RAD54L2: variants seen among roughly 807,000 people sequenced by gnomAD.
RAD54L2 encodes the protein helicase ARIP4.
A neutral mutation model predicts 138.4 loss-of-function variants in RAD54L2; 27 were observed. That is an observed-to-expected ratio of 0.20 (90% CI 0.14 to 0.27). The LOEUF (loss-of-function observed/expected upper bound fraction) is 0.27, where lower values mean the gene tolerates loss of function less well. Among genes scored for constraint, RAD54L2 ranks in the 10% least tolerant of loss-of-function variants. RAD54L2 has a pLI of 1.00. For synonymous variants in RAD54L2, 644 were observed against 723.2 expected, an observed-to-expected ratio of 0.89 and a Z score of 1.76; for missense variants, 1,396 against 1,890.2, an observed-to-expected ratio of 0.74 and a Z score of 4.85.
chr3:51,663,448 G>A lies in RAD54L2; in HGVS notation c.*28G>A, dbSNP rs757373118. ...AGGGAGCCCCTCCCCACCTCACTTG[G>A]GGCCCCCAGCAGGTTGCCCACCAAG... On this transcript the variant is annotated 3_prime_UTR_variant, in exon 23 of 23. Coordinates refer to ENST00000684192, the MANE Select transcript of RAD54L2 (RefSeq NM_015106.4). 9 of 1,596,304 alleles carry A rather than the reference G, an allele frequency of 5.6e-6. No individual in the cohort carries two copies. The highest frequency in any genetic ancestry group is 7.7e-6 in the Non-Finnish European group (9 of 1,169,068).
rs1577478615 is a variant in RAD54L2 at position 51,666,032 on chromosome 3, G to C, written c.*2612G>C. On this transcript the variant is annotated 3_prime_UTR_variant, in exon 23 of 23. Transcript: ENST00000684192. ...TCCAGTGTTCCAGGGACTGGGTCTT[G>C]CTTCTACTCAGCAGAGGCCATCATT... 1 of 152,096 alleles carries C rather than the reference G, an allele frequency of 6.6e-6. No individual in the cohort carries two copies. 9.4% of individuals were successfully genotyped at this position (152,096 alleles called of 1,614,324 possible).
At chr3:51,657,852 T>C (rs1701645080) in intron 21 of RAD54L2, among the ~76,000 whole-genome samples, 183 bp downstream of exon 21, 1 of 150,960 alleles carries the variant, frequency 6.6e-6, no homozygotes, top group African/African-American at 2.4e-5. Flanking sequence ...GTTGAGCCCA[T>C]AGGGTATTAG....
intron 2 of RAD54L2, among the ~76,000 whole-genome samples, chr3:51,568,315 T>C (rs1254065509): frequency 6.6e-6 from 1 of 152,184 alleles, no homozygotes; most frequent in African/African-American, 2.4e-5. Flanking sequence ...TTTTCTGTCA[T>C]TCACTCCTCT....
At chr3:51,576,813 AT>A (rs958421043) in intron 2 of RAD54L2, among the ~76,000 whole-genome samples, 1 of 150,986 alleles carries the variant, frequency 6.6e-6, no homozygotes, top group African/African-American at 2.4e-5. Context: ...GGATTCACTG[AT>A]TTTTTTTTGA....
At chr3:51,543,031 C>G (rs1398031340) in intron 2 of RAD54L2, among the ~76,000 whole-genome samples, 1 of 152,096 alleles carries the variant, frequency 6.6e-6, no homozygotes, top group Non-Finnish European at 1.5e-5. Flanking sequence ...GTGTTTTTGC[C>G]AGGAATTCTC....
chr3:51,579,152 G>A (rs1383191689), intron 2 of RAD54L2, among the ~76,000 whole-genome samples: 1 of 150,858 alleles, frequency 6.6e-6, no homozygotes, highest in Non-Finnish European at 1.5e-5. Flanking sequence ...TCTGCAGGCT[G>A]AGCCTGGGCT....
Position 51,662,805 on chromosome 3 carries a change from T to G in RAD54L2, c.3789T>G (p.Ala1263=). The G allele has an allele frequency of 6.2e-7, 1 of 1,611,182 alleles. No individual in the cohort carries two copies. The highest frequency in any genetic ancestry group is 8.5e-7 in the Non-Finnish European group (1 of 1,178,720). The part of the protein sequence containing the change: ...GHKRKLATPP[A]AQESSRRRSR... ...AGCGAAAGTTGGCCACACCACCTGC[T>G]GCCCAGGAGTCATCCCGCCGGCGGT... The change falls in exon 23 of 23, where the codon GCT becomes GCG. Residue 1263 remains alanine, a synonymous_variant. Transcript: ENST00000684192. This position sits in a 1 kb window ranked among gnomAD's most constrained non-coding sequence, Gnocchi z 4.6.
intron 3 of RAD54L2, among the ~76,000 whole-genome samples, chr3:51,592,547 C>A (rs981556093): frequency 1.2e-4 from 18 of 151,734 alleles, no homozygotes; most frequent in Non-Finnish European, 2.4e-4. Flanking sequence ...AAAAGTAATA[C>A]TTCTGTTACT....
In RAD54L2 at chr3:51,645,777, A is replaced by G. The variant is rs972626860; in HGVS notation, c.2829+14A>G. On this transcript the variant is annotated intron_variant, in intron 18 of 22. Coordinates refer to ENST00000684192, the MANE Select transcript of RAD54L2 (RefSeq NM_015106.4). This position sits in a 1 kb window ranked among gnomAD's most constrained non-coding sequence, Gnocchi z 6.1. ...CTCATCACCAAGGTAAGAACTTGGT[A>G]TGCATGCAATCCCCAGAGTGGCAGT... 3 of 1,598,880 alleles carry G rather than the reference A, an allele frequency of 1.9e-6. No individual in the cohort carries two copies. The highest frequency in any genetic ancestry group is 1.1e-5 in the South Asian group (1 of 88,288).
intron 5 of RAD54L2, 106 bp downstream of exon 5, chr3:51,629,579 C>T (rs1163846943): frequency 1.4e-6 from 2 of 1,409,790 alleles, no homozygotes; most frequent in Non-Finnish European, 1.9e-6. Context: ...GGCCTCTCGG[C>T]TGGGCGCGGT....
chr3:51,608,980 T>TC (rs1452476264), intron 3 of RAD54L2, among the ~76,000 whole-genome samples: 2 of 152,072 alleles, frequency 1.3e-5, no homozygotes, highest in Non-Finnish European at 2.9e-5. Flanking sequence ...AACCTCCCCC[T>TC]CCCAGGTTCA....
At chr3:51,581,801 A>G (rs942981158) in intron 2 of RAD54L2, among the ~76,000 whole-genome samples, 1 of 152,178 alleles carries the variant, frequency 6.6e-6, no homozygotes, top group Non-Finnish European at 1.5e-5. Flanking sequence ...TGTCTAGCAG[A>G]TAAACCTGAT....
Position 51,637,035 on chromosome 3 carries a change from G to A in RAD54L2, c.1340-126G>A. The stretch of plus-strand genomic sequence containing the variant: ...GGCTGGCACCCTCTCACCAAGGGGG[G>A]CTGACTCTTGCTTTCCTGCTTCCTT... On this transcript the variant is annotated intron_variant, in intron 10 of 22. Coordinates refer to ENST00000684192, the MANE Select transcript of RAD54L2 (RefSeq NM_015106.4). This position sits in a 1 kb window ranked among gnomAD's most constrained non-coding sequence, Gnocchi z 5.9. 3.7e-6 allele frequency: 3 copies of A among 820,334 alleles called. No individual in the cohort carries two copies. Among genetic ancestry groups the A allele is most frequent in the Non-Finnish European group, 3.9e-6 (2 of 510,274 alleles). 50.8% of individuals were successfully genotyped at this position (820,334 alleles called of 1,614,324 possible). A position where few individuals can be genotyped will look rare whatever the true frequency, so the allele number is the denominator to read the frequency against.
At chr3:51,579,512 T>C (rs560883742) in intron 2 of RAD54L2, among the ~76,000 whole-genome samples, 163 of 152,222 alleles carry the variant, frequency 1.1e-3, no homozygotes, top group Non-Finnish European at 2.0e-3. Flanking sequence ...ATTCTCATTA[T>C]CAGTTTTATT....
chr3:51,606,660 A>T (rs544828099), intron 3 of RAD54L2, among the ~76,000 whole-genome samples: 230 of 146,978 alleles, frequency 1.6e-3, no homozygotes, highest in Middle Eastern at 0.01. Flanking sequence ...GAAAAAGTTT[A>T]TTTTTTTTTT....
chr3:51,601,903 C>G (rs1166094310), intron 3 of RAD54L2, among the ~76,000 whole-genome samples: 2 of 151,694 alleles, frequency 1.3e-5, no homozygotes, highest in Non-Finnish European at 2.9e-5. Flanking sequence ...TGTCGCCAGG[C>G]TGGAGTGCAG....
At chr3:51,601,210 C>T (rs890063061) in intron 3 of RAD54L2, among the ~76,000 whole-genome samples, 2 of 151,850 alleles carry the variant, frequency 1.3e-5, no homozygotes, top group African/African-American at 2.4e-5. Context: ...AAGGAGGTTT[C>T]ACCATTTTGG....
Position 51,662,530 on chromosome 3 carries a change from A to G in RAD54L2, c.3514A>G (p.Ser1172Gly). 6.2e-7 allele frequency: 1 copy of G among 1,613,426 alleles called. No homozygotes were observed. Among genetic ancestry groups the G allele is most frequent in the Non-Finnish European group, 8.5e-7 (1 of 1,179,584 alleles). ...GCTGGCCAGGCCCGTCTCTCCTGAC[A>G]GCCCAGAGATCATCAGTGAGCTTCA... ...EGLARPVSPD[S>G]PEIISELQQY... is the part of the protein sequence containing the mutation. Residue 1172 changes from serine to glycine, a missense_variant, in exon 23 of 23, where the codon AGC becomes GGC. Around this residue, in one of 7 missense-constraint regions of RAD54L2, gnomAD observed 634 missense variants for 711.2 expected, o/e 0.89. Coordinates refer to ENST00000684192, the MANE Select transcript of RAD54L2 (RefSeq NM_015106.4). This position sits in a 1 kb window ranked among gnomAD's most constrained non-coding sequence, Gnocchi z 4.6.
Position 51,662,422 on chromosome 3 carries a change from C to T in RAD54L2, c.3410-4C>T. The T allele has an allele frequency of 6.6e-7, 1 of 1,511,274 alleles. No homozygotes were observed. Among genetic ancestry groups the T allele is most frequent in the East Asian group, 2.3e-5 (1 of 43,034 alleles). The allele number at this position is 1,511,274 out of a possible 1,614,324, so 93.6% of individuals were successfully genotyped here. On this transcript the variant is annotated splice_region_variant and splice_polypyrimidine_tract_variant and intron_variant, in intron 22 of 22. Transcript: ENST00000684192. This position sits in a 1 kb window ranked among gnomAD's most constrained non-coding sequence, Gnocchi z 4.6. ...ATTCTCAGTTAACTACATTTTGTCC[C>T]CAGGTTCCCAGGGACCTTCTTGCGA...
Sources: allele counts gnomAD v4.1 joint callset (sites outside exome capture counted in the v4.1 genomes callset), GRCh38; gene constraint gnomAD v4.1.1; regional missense constraint gnomAD v4.1.1; non-coding constraint Gnocchi (gnomAD v3.1); transcripts MANE v1.5; gene names NCBI Gene and HGNC (gene_info 2026-07-23, HGNC 2026-07-21).